The following MEOX2 variants were observed in gnomAD, a reference collection of about 807,000 sequenced individuals.
MEOX2 encodes the protein mesenchyme homeobox 2.
MEOX2 carries 11 observed loss-of-function variants against 27.0 expected under a neutral mutation model. That is an observed-to-expected ratio of 0.41 (90% confidence interval 0.26 to 0.68). MEOX2 has a LOEUF of 0.68. MEOX2 is among the 30% of genes least tolerant of loss of function. MEOX2 has a pLI of 0.33. For synonymous variants in MEOX2, 189 were observed against 155.4 expected (o/e 1.22, Z -1.61); for missense variants, 436 against 385.4 (o/e 1.13, Z -1.10).
rs1781039921 is a variant in MEOX2, at chr7:15,611,975, A to G, written c.*412T>C. 5.7e-6 allele frequency: 1 copy of G among 175,946 alleles called. No homozygotes were observed. 10.9% of individuals were successfully genotyped at this position (175,946 alleles called of 1,614,324 possible). On this transcript the variant is annotated 3_prime_UTR_variant, in exon 3 of 3. Coordinates refer to ENST00000262041, the MANE Select transcript of MEOX2 (RefSeq NM_005924.5). Reference sequence around the variant, plus strand: ...TGCAAGCAAAAGCAAATACCTGCCCACTGTAATACACATGATCTCACACAT... The same window carrying G: ...TGCAAGCAAAAGCAAATACCTGCCCGCTGTAATACACATGATCTCACACAT...
chr7:15,673,996 TATAG>T (rs1284521698), intron 1 of MEOX2, among the ~76,000 whole-genome samples: 2 of 152,048 alleles, frequency 1.3e-5, no homozygotes, highest in African/African-American at 2.4e-5. Flanking sequence ...TGTATGTGTA[TATAG>T]ATAGATAGAT....
intron 2 of MEOX2, among the ~76,000 whole-genome samples, chr7:15,622,371 C>A (rs1462963507): frequency 1.3e-5 from 2 of 152,020 alleles, no homozygotes; most frequent in Non-Finnish European, 2.9e-5. Context: ...GAATCACACA[C>A]CCATATAAAA....
At chr7:15,626,639 C>T in intron 2 of MEOX2, 107 bp downstream of exon 2, 5 of 749,640 alleles carry the variant, frequency 6.7e-6, no homozygotes, top group East Asian at 2.5e-5. Context: ...AACTGTCTTC[C>T]AAATGGTATT....
chr7:15,649,034 A>T (rs1781692695), intron 1 of MEOX2, among the ~76,000 whole-genome samples: 1 of 152,110 alleles, frequency 6.6e-6, no homozygotes, highest in Non-Finnish European at 1.5e-5. Context: ...TCCCTGAGTA[A>T]CAAAGCAAGT....
chr7:15,637,191 C>T (rs899852128), intron 1 of MEOX2, among the ~76,000 whole-genome samples: 4 of 152,026 alleles, frequency 2.6e-5, no homozygotes, highest in Non-Finnish European at 5.9e-5. Context: ...ACACCTATTT[C>T]TGATCTCTGC....
chr7:15,638,298 C>T (rs145260698), intron 1 of MEOX2, among the ~76,000 whole-genome samples: 290 of 152,164 alleles, frequency 1.9e-3, no homozygotes, highest in African/African-American at 6.4e-3. Flanking sequence ...AAATTGCAGT[C>T]TAGTTTAAAG....
intron 1 of MEOX2, among the ~76,000 whole-genome samples, chr7:15,663,460 G>C (rs919019224): frequency 3.3e-5 from 5 of 151,600 alleles, no homozygotes; most frequent in African/African-American, 1.2e-4. Flanking sequence ...AGCCTCCTGA[G>C]TAGTTGGGGT....
intron 1 of MEOX2, among the ~76,000 whole-genome samples, chr7:15,664,234 G>C (rs1484140379): frequency 6.6e-6 from 1 of 152,018 alleles, no homozygotes; most frequent in South Asian, 2.1e-4. Context: ...TTTAATTTTG[G>C]GATATGCTTT....
intron 2 of MEOX2, among the ~76,000 whole-genome samples, 174 bp from the exon 3 acceptor site, chr7:15,612,785 T>C (rs569517955): frequency 2.1e-4 from 32 of 152,330 alleles, no homozygotes; most frequent in African/African-American, 7.0e-4. Flanking sequence ...TACATGTTCA[T>C]GATAATAATT....
chr7:15,632,116 G>A (rs944945455), intron 1 of MEOX2, among the ~76,000 whole-genome samples: 5 of 151,776 alleles, frequency 3.3e-5, no homozygotes, highest in Non-Finnish European at 7.4e-5. Context: ...TTTCCTTGAA[G>A]TAGGTAATAA....
intron 1 of MEOX2, among the ~76,000 whole-genome samples, chr7:15,630,148 T>A (rs777650870): frequency 8.5e-5 from 13 of 152,066 alleles, no homozygotes; most frequent in Admixed American, 2.0e-4. Context: ...ACACACTCTC[T>A]CAGCGCTTCG....
Position 15,667,575 on chromosome 7 carries a change from A to T in MEOX2, c.517+18311T>A, listed in dbSNP as rs187722043. On this transcript the variant is annotated intron_variant, in intron 1 of 2. Coordinates refer to ENST00000262041, the MANE Select transcript of MEOX2 (RefSeq NM_005924.5). ...GGAATTATGTACAAGTTTATTAATT[A>T]TGATGCTGCTGAAACACCTATTGCA... 4.6e-5 allele frequency among the ~76,000 whole-genome samples: 7 copies of T among 152,242 alleles called. No individual in the cohort carries two copies. The East Asian group carries it at 9.7e-4, about 21-fold the overall frequency.
intron 1 of MEOX2, among the ~76,000 whole-genome samples, chr7:15,638,516 A>G (rs1239712325): frequency 6.6e-6 from 1 of 152,106 alleles, no homozygotes; most frequent in Non-Finnish European, 1.5e-5. Context: ...TTTTAGGTTC[A>G]GAGGCGTACA....
At chr7:15,643,765 T>A (rs1411709244) in intron 1 of MEOX2, among the ~76,000 whole-genome samples, 1 of 152,156 alleles carries the variant, frequency 6.6e-6, no homozygotes, top group Non-Finnish European at 1.5e-5. Context: ...TCTTCTCTGT[T>A]TTCTAACAAT....
At chr7:15,657,081 G>T (rs1008846303) in intron 1 of MEOX2, among the ~76,000 whole-genome samples, 10 of 151,976 alleles carry the variant, frequency 6.6e-5, no homozygotes, top group Admixed American at 5.9e-4. Context: ...CTCTTCATTG[G>T]TATTGTTTCT....
In MEOX2 at chr7:15,636,804, G is replaced by A. The variant is rs537002961; in HGVS notation, c.518-9886C>T. ...GGCTGAGAAGAAGTGCACGATCAAG[G>A]CAGCAACATCTGGTGAGTGCTTTCT... On this transcript the variant is annotated intron_variant, in intron 1 of 2. Coordinates refer to ENST00000262041, the MANE Select transcript of MEOX2 (RefSeq NM_005924.5). Among the ~76,000 whole-genome samples, 3 of 152,118 alleles carry A rather than the reference G, an allele frequency of 2.0e-5. No homozygotes were observed. The South Asian group carries it at 6.2e-4, about 32-fold the overall frequency.
At chr7:15,614,209 TAAAATAAAATAAAATA>T in intron 2 of MEOX2, among the ~76,000 whole-genome samples, 1 of 5,934 alleles carries the variant, frequency 1.7e-4, no homozygotes, top group Non-Finnish European at 3.0e-4. Context: ...ATAGATAAAA[TAAAATAAAATAAAATA>T]AAATAAAATA....
At position 15,626,812 on chromosome 7, in the gene MEOX2, A is replaced by T. The variant is rs1781315767; in HGVS notation, c.624T>A (p.His208Gln). 6.2e-7 allele frequency: 1 copy of T among 1,610,626 alleles called. No individual in the cohort carries two copies. ...GCCTCAGTCTGGTGAGATAATTATGATGGGCAAATTCTGCTTCAAGTTCTC... is the reference window on the plus strand; with the variant it reads ...GCCTCAGTCTGGTGAGATAATTATGTTGGGCAAATTCTGCTTCAAGTTCTC... Reference protein sequence around the residue: ...QIRELEAEFAHHNYLTRLRRY... With the variant: ...QIRELEAEFAQHNYLTRLRRY... The change falls in exon 2 of 3, where the codon CAT (histidine) becomes CAA (glutamine). Residue 208 changes from histidine (H) to glutamine (Q), a missense_variant. Coordinates refer to ENST00000262041, the MANE Select transcript of MEOX2 (RefSeq NM_005924.5).
chr7:15,631,727 G>A (rs1258726398), intron 1 of MEOX2, among the ~76,000 whole-genome samples: 2 of 151,690 alleles, frequency 1.3e-5, no homozygotes, highest in Non-Finnish European at 2.9e-5. Context: ...TATAATTTAT[G>A]CTGTACAAAG....
Sources: gnomAD v4.1 joint callset for allele counts (sites outside exome capture counted in the v4.1 genomes callset) on GRCh38, gnomAD v4.1.1 for gene constraint, MANE v1.5 for transcripts, NCBI Gene and HGNC (gene_info 2026-07-23, HGNC 2026-07-21) for gene names.